Variants in PGAP4 observed in about 807,000 individuals in gnomAD.
PGAP4 encodes post-GPI attachment to proteins GalNAc transferase 4.
In PGAP4, 12 loss-of-function variants were observed where a neutral mutation model predicts 28.2. That is an observed-to-expected ratio of 0.42 (90% CI 0.27 to 0.69). The LOEUF is 0.69. Among genes scored for constraint, PGAP4 ranks in the 30% least tolerant of loss-of-function variants. The pLI is 0.22. For missense variants in PGAP4, 425 were observed against 513.5 expected (o/e 0.83, Z 1.67); for synonymous variants, 205 against 211.8 (o/e 0.97, Z 0.28).
intron 2 of PGAP4, among the ~76,000 whole-genome samples, chr9:101,504,791 T>C (rs962330319): frequency 6.6e-6 from 1 of 152,078 alleles, no homozygotes; most frequent in Non-Finnish European, 1.5e-5. Flanking sequence ...TCATTACTTT[T>C]ATTCTAATGG....
chr9:101,490,694 G>C (rs1376000916), upstream of PGAP4, among the ~76,000 whole-genome samples: 1 of 152,142 alleles, frequency 6.6e-6, no homozygotes, highest in African/African-American at 2.4e-5. Context: ...ATTACTTAAG[G>C]CTATATAGTG....
chr9:101,515,254 C>T (rs1336585764), intron 2 of PGAP4, among the ~76,000 whole-genome samples: 1 of 152,128 alleles, frequency 6.6e-6, no homozygotes, highest in Non-Finnish European at 1.5e-5. Flanking sequence ...CATCATCCCA[C>T]TCATGTCACC....
chr9:101,497,504 T>A (rs561750879), intron 2 of PGAP4, among the ~76,000 whole-genome samples: 2 of 151,754 alleles, frequency 1.3e-5, no homozygotes, highest in South Asian at 4.1e-4. Context: ...TGTTTTAGGC[T>A]GGGTTAATAG....
upstream of PGAP4, chr9:101,487,181 C>G (rs143023720): frequency 5.1e-4 from 78 of 152,336 alleles, no homozygotes; most frequent in African/African-American, 1.9e-3. Flanking sequence ...GAGACCGCGG[C>G]CCCCAAAGCG....
intron 2 of PGAP4, among the ~76,000 whole-genome samples, chr9:101,530,731 A>G (rs1237477669): frequency 6.6e-6 from 1 of 152,190 alleles, no homozygotes; most frequent in African/African-American, 2.4e-5. Context: ...AAGATGTCAG[A>G]TGGCTGACTG....
chr9:101,499,236 G>C (rs2118590847), intron 2 of PGAP4, among the ~76,000 whole-genome samples: 1 of 152,118 alleles, frequency 6.6e-6, no homozygotes, highest in African/African-American at 2.4e-5. Context: ...AAAGGAGAGA[G>C]GCTCAGCTCA....
At chr9:101,527,154 T>C (rs1827041958) in intron 2 of PGAP4, among the ~76,000 whole-genome samples, 1 of 152,230 alleles carries the variant, frequency 6.6e-6, no homozygotes. Flanking sequence ...TTGACGAGGA[T>C]GGCAGCCCCA....
intron 2 of PGAP4, among the ~76,000 whole-genome samples, chr9:101,503,032 C>CTT (rs1485099665): frequency 1.3e-5 from 2 of 152,034 alleles, no homozygotes; most frequent in Non-Finnish European, 2.9e-5. Context: ...CCTTTTCATC[C>CTT]TTTGTGATAG....
At chr9:101,498,901 A>T (rs1211336595) in intron 2 of PGAP4, among the ~76,000 whole-genome samples, 1 of 151,978 alleles carries the variant, frequency 6.6e-6, no homozygotes, top group Non-Finnish European at 1.5e-5. Flanking sequence ...TCTTCCCAGA[A>T]GATTTTCAGA....
upstream of PGAP4, among the ~76,000 whole-genome samples, chr9:101,490,474 G>A (rs1826676677): frequency 6.6e-6 from 1 of 152,216 alleles, no homozygotes; most frequent in Middle Eastern, 3.2e-3. Context: ...ACAGGCGTGA[G>A]CCACTGCGCT....
At chr9:101,498,835 C>T (rs751070144) in intron 2 of PGAP4, among the ~76,000 whole-genome samples, 1 of 151,902 alleles carries the variant, frequency 6.6e-6, no homozygotes, top group Non-Finnish European at 1.5e-5. Context: ...GTGGTGAGTG[C>T]TCTAGTGGCT....
exon 2 of PGAP4, chr9:101,531,485 C>A (rs1687481073): frequency 6.6e-6 from 1 of 152,184 alleles, no homozygotes; most frequent in Admixed American, 6.5e-5. Flanking sequence ...TGGTTCTGCT[C>A]ACCCCTATGT....
intron 2 of PGAP4, among the ~76,000 whole-genome samples, chr9:101,507,551 G>C (rs984626325): frequency 1.3e-5 from 2 of 152,080 alleles, no homozygotes; most frequent in African/African-American, 4.8e-5. Context: ...TAAAAGCTCA[G>C]TTCTTGAACC....
intron 2 of PGAP4, among the ~76,000 whole-genome samples, chr9:101,521,625 G>A (rs937749155): frequency 2.6e-5 from 4 of 151,990 alleles, no homozygotes; most frequent in Non-Finnish European, 5.9e-5. Flanking sequence ...TCTTGCCAAT[G>A]GTCTATCAAT....
rs372293723 is a variant in PGAP4, at chr9:101,502,739, C to T, written c.-164-13539G>A. On this transcript the variant is annotated intron_variant, in intron 2 of 3. Transcript: ENST00000374851. ...CTATCTCCTAGAGACCTGGCCACAC[C>T]TACAGCATTTTGCAGGTCAGAGGCC... Among the ~76,000 whole-genome samples, 15 of 152,176 alleles carry T rather than the reference C, an allele frequency of 9.9e-5. No homozygotes were observed. The East Asian group carries it at 2.7e-3, about 28-fold the overall frequency.
In PGAP4 at chr9:101,477,210, A is replaced by AC. The variant is rs111621781; in HGVS notation, c.-77-42_-77-41insG. 1,485 of 1,294,012 alleles carry AC rather than the reference A, an allele frequency of 1.1e-3. 9 individuals carry two copies. Among genetic ancestry groups the AC allele is most frequent in the African/African-American group, 6.8e-3 (380 of 55,820 alleles). The allele number at this position is 1,294,012 out of a possible 1,614,324, so 80.2% of individuals were successfully genotyped here. On this transcript the variant is annotated intron_variant, in intron 1 of 1. Coordinates refer to ENST00000374848, the MANE Select transcript of PGAP4 (RefSeq NM_032342.3). The stretch of plus-strand genomic sequence containing the variant: ...GTAGGGAATGGTAAGAGTAACTTAA[A>AC]AAAACAAACAAACAAACAAACAAAA...
chr9:101,532,542 GC>G (rs1827108881), intron 1 of PGAP4: 1 of 152,146 alleles, frequency 6.6e-6, no homozygotes. Context: ...AGTTTTCTGG[GC>G]TAGAAAAACC....
intron 2 of PGAP4, among the ~76,000 whole-genome samples, chr9:101,530,074 T>C (rs780435817): frequency 2.0e-5 from 3 of 152,212 alleles, no homozygotes; most frequent in Non-Finnish European, 4.4e-5. Flanking sequence ...CCTGGAGATA[T>C]AACAATCTTA....
At chr9:101,522,275 T>C (rs767071066) in intron 2 of PGAP4, among the ~76,000 whole-genome samples, 35 of 152,348 alleles carry the variant, frequency 2.3e-4, no homozygotes, top group South Asian at 1.4e-3. Context: ...TTGTTGACTT[T>C]CTGTCTTGAT....
Sources: allele counts gnomAD v4.1 joint callset (sites outside exome capture counted in the v4.1 genomes callset), GRCh38; gene constraint gnomAD v4.1.1; transcripts MANE v1.5; gene names NCBI Gene and HGNC (gene_info 2026-07-23, HGNC 2026-07-21).